Variants in MYRIP observed in about 807,000 individuals in gnomAD.
MYRIP encodes the protein rab effector MyRIP.
A neutral mutation model predicts 98.0 loss-of-function variants in MYRIP; 49 were observed. That is an observed-to-expected ratio of 0.50 (90% CI 0.40 to 0.63). The LOEUF (loss-of-function observed/expected upper bound fraction) is 0.63. Among genes scored for constraint, MYRIP ranks in the 30% least tolerant of loss-of-function variants. MYRIP has a pLI of 0.00. For synonymous variants in MYRIP, 404 were observed against 409.5 expected (o/e 0.99, Z 0.16); for missense variants, 1,004 against 1,058.2 (o/e 0.95, Z 0.71).
intron 2 of MYRIP, among the ~76,000 whole-genome samples, chr3:40,000,184 A>G (rs1389208794): frequency 6.6e-6 from 1 of 152,150 alleles, no homozygotes; most frequent in Non-Finnish European, 1.5e-5. Flanking sequence ...AAAAATTACA[A>G]TAAATTATTG....
intron 2 of MYRIP, among the ~76,000 whole-genome samples, chr3:39,932,931 A>G (rs913003517): frequency 7.2e-5 from 11 of 152,346 alleles, no homozygotes; most frequent in Admixed American, 6.5e-5. Context: ...TAAAGTAATC[A>G]TAATTTGCAT....
At chr3:40,253,351 G>A (rs973615408) in intron 16 of MYRIP, among the ~76,000 whole-genome samples, 5 of 152,174 alleles carry the variant, frequency 3.3e-5, no homozygotes, top group African/African-American at 1.2e-4. Context: ...CCTAAATAGG[G>A]ACTTGTATGA....
chr3:39,916,467 G>C (rs1585283), intron 2 of MYRIP, among the ~76,000 whole-genome samples: 66,763 of 150,598 alleles, frequency 0.44, 14,962 homozygotes, highest in East Asian at 0.54. Context: ...AAATAAAATA[G>C]ATACCCCCCA....
At chr3:39,875,484 A>G (rs375651679) in intron 1 of MYRIP, among the ~76,000 whole-genome samples, 21 of 152,006 alleles carry the variant, frequency 1.4e-4, no homozygotes, top group African/African-American at 5.1e-4. Context: ...ATTTAGTGCT[A>G]TAAATTTCCC....
intron 3 of MYRIP, among the ~76,000 whole-genome samples, chr3:40,056,079 G>A (rs1947879925): frequency 1.3e-5 from 2 of 152,184 alleles, no homozygotes; most frequent in Non-Finnish European, 1.5e-5. Context: ...TAGCCAGCAC[G>A]TGTGACAGGC....
Position 39,816,910 on chromosome 3 carries a change from G to A in MYRIP, c.-31+6994G>A, listed in dbSNP as rs11914377. ...TTTTCTGAATCTCACTAGTTATTAA[G>A]CCTCTGTAATGATAACAGCCTTCAC... On this transcript the variant is annotated intron_variant, in intron 1 of 16. Transcript: ENST00000302541. Among the ~76,000 whole-genome samples, 843 of 152,078 alleles carry A rather than the reference G, an allele frequency of 5.5e-3. 9 individuals are homozygous for A. Among genetic ancestry groups the A allele is most frequent in the African/African-American group, 0.019 (797 of 41,480 alleles).
At chr3:39,859,247 C>T (rs1942392205) in intron 1 of MYRIP, among the ~76,000 whole-genome samples, 1 of 151,814 alleles carries the variant, frequency 6.6e-6, no homozygotes, top group Non-Finnish European at 1.5e-5. Context: ...GCACTGTAAA[C>T]AATTATAAAC....
chr3:39,959,543 G>A (rs758361831), intron 2 of MYRIP, among the ~76,000 whole-genome samples: 4 of 152,042 alleles, frequency 2.6e-5, no homozygotes, highest in Non-Finnish European at 1.5e-5. Context: ...GGAGCAGGGA[G>A]GGATGGCATT....
Position 39,900,989 on chromosome 3 carries a change from T to C in MYRIP, c.110+63T>C, listed in dbSNP as rs1292111851. 13 of 1,244,168 alleles carry C rather than the reference T, an allele frequency of 1.0e-5. No homozygotes were observed. In the East Asian group the frequency reaches 1.6e-4, roughly 16 times the overall value. The allele number at this position is 1,244,168 out of a possible 1,614,324, so 77.1% of individuals were successfully genotyped here. A position where few individuals can be genotyped will look rare whatever the true frequency, so the allele number is the denominator to read the frequency against. On this transcript the variant is annotated intron_variant, in intron 2 of 16. Coordinates refer to ENST00000302541, the MANE Select transcript of MYRIP (RefSeq NM_015460.4). ...CACATGTGGACAAGCGTAACAGGTT[T>C]CCTGAGGGTATTCCCTCCTGCTAGC...
At chr3:40,026,367 C>A (rs1947128739) in intron 2 of MYRIP, among the ~76,000 whole-genome samples, 1 of 113,624 alleles carries the variant, frequency 8.8e-6, no homozygotes, top group South Asian at 3.1e-4. Context: ...GCACTGATTT[C>A]ATATTGTTCA....
intron 3 of MYRIP, among the ~76,000 whole-genome samples, chr3:40,053,661 A>T (rs2068977): frequency 0.29 from 44,222 of 151,894 alleles, 6,509 homozygotes; most frequent in East Asian, 0.36. Flanking sequence ...TCACCTTGTT[A>T]GTCCCAAGTT....
chr3:39,941,040 C>A (rs1184178556), intron 2 of MYRIP, among the ~76,000 whole-genome samples: 1 of 152,094 alleles, frequency 6.6e-6, no homozygotes, highest in East Asian at 1.9e-4. Flanking sequence ...AAATAAAATC[C>A]TGCCCCACAT....
At chr3:39,855,245 G>A (rs1942250872) in intron 1 of MYRIP, among the ~76,000 whole-genome samples, 1 of 152,146 alleles carries the variant, frequency 6.6e-6, no homozygotes, top group Non-Finnish European at 1.5e-5. Flanking sequence ...ATGATTTGCT[G>A]TAATGGCCTA....
intron 1 of MYRIP, among the ~76,000 whole-genome samples, chr3:39,868,239 T>G (rs113941226): frequency 6.6e-6 from 1 of 152,314 alleles, no homozygotes; most frequent in East Asian, 1.9e-4. Context: ...GGCAAGAAAT[T>G]TACAATTGTG....
intron 2 of MYRIP, among the ~76,000 whole-genome samples, chr3:39,980,248 G>C (rs548243819): frequency 6.6e-6 from 1 of 152,306 alleles, no homozygotes; most frequent in South Asian, 2.1e-4. Context: ...GGGAGCTCTG[G>C]AGCATTAATT....
chr3:40,156,478 T>C (rs1488648773), intron 4 of MYRIP, among the ~76,000 whole-genome samples: 6 of 152,206 alleles, frequency 3.9e-5, no homozygotes, highest in Non-Finnish European at 8.8e-5. Flanking sequence ...CGATGTGGGC[T>C]CTTTTTTGGT....
intron 2 of MYRIP, among the ~76,000 whole-genome samples, chr3:40,010,937 A>C (rs1188889534): frequency 3.3e-5 from 5 of 152,062 alleles, no homozygotes; most frequent in African/African-American, 1.2e-4. Flanking sequence ...AGTTAGTTTT[A>C]TCTGCATATA....
At chr3:39,815,886 C>CA (rs1940886924) in intron 1 of MYRIP, among the ~76,000 whole-genome samples, 1 of 98,442 alleles carries the variant, frequency 1.0e-5, no homozygotes, top group Non-Finnish European at 2.2e-5. Flanking sequence ...ATTCTAATAG[C>CA]GTTTTTTTTT....
chr3:39,963,849 A>T (rs1345088588), intron 2 of MYRIP, among the ~76,000 whole-genome samples: 1 of 152,140 alleles, frequency 6.6e-6, no homozygotes, highest in East Asian at 1.9e-4. Flanking sequence ...TATTCATATT[A>T]TATGTTAGAA....
Sources: allele counts gnomAD v4.1 joint callset (sites outside exome capture counted in the v4.1 genomes callset), GRCh38; gene constraint gnomAD v4.1.1; transcripts MANE v1.5; gene names NCBI Gene and HGNC (gene_info 2026-07-23, HGNC 2026-07-21).